PTPRT: variants seen among roughly 807,000 people sequenced by gnomAD.
PTPRT encodes protein tyrosine phosphatase receptor type T, also known as receptor-type tyrosine-protein phosphatase T.
A neutral mutation model predicts 176.8 loss-of-function variants in PTPRT; 56 were observed. The observed-to-expected ratio is 0.32, with a 90% CI of 0.26 to 0.40. The LOEUF (loss-of-function observed/expected upper bound fraction) is 0.40, where lower values mean the gene tolerates loss of function less well. PTPRT is among the 10% of genes least tolerant of loss of function. PTPRT has a pLI of 1.00. For missense variants in PTPRT, 1,540 were observed against 1,908.2 expected, an observed-to-expected ratio of 0.81 and a Z score of 3.60; for synonymous variants, 783 against 739.0, an observed-to-expected ratio of 1.06 and a Z score of -0.96.
chr20:42,154,882 G>A (rs1200393698), intron 17 of PTPRT, among the ~76,000 whole-genome samples: 5 of 152,180 alleles, frequency 3.3e-5, no homozygotes, highest in African/African-American at 4.8e-5. Flanking sequence ...GGCTGGGGAG[G>A]AGGGAGGATG....
At chr20:42,543,531 C>T (rs1462865390) in intron 7 of PTPRT, among the ~76,000 whole-genome samples, 6 of 152,008 alleles carry the variant, frequency 3.9e-5, no homozygotes, top group African/African-American at 9.7e-5. Context: ...TTGAACCCCT[C>T]GAAGTCATCT....
At chr20:43,067,279 TAG>T (rs1555826264) in intron 1 of PTPRT, among the ~76,000 whole-genome samples, 2 of 152,160 alleles carry the variant, frequency 1.3e-5, no homozygotes, top group Non-Finnish European at 2.9e-5. Context: ...GGTAAATCCA[TAG>T]AGACAGAACG....
At chr20:42,681,872 G>T (rs896685375) in intron 6 of PTPRT, among the ~76,000 whole-genome samples, 4 of 152,176 alleles carry the variant, frequency 2.6e-5, no homozygotes, top group Non-Finnish European at 5.9e-5. Context: ...ACAAGCTGCA[G>T]ACACAGACAC....
chr20:42,469,395 G>A (rs1230507758), intron 8 of PTPRT, among the ~76,000 whole-genome samples: 1 of 152,076 alleles, frequency 6.6e-6, no homozygotes. Flanking sequence ...AGTAGAGATG[G>A]GGTTTCACCA....
intron 2 of PTPRT, among the ~76,000 whole-genome samples, chr20:42,852,911 G>C (rs1178433965): frequency 6.6e-6 from 1 of 151,486 alleles, no homozygotes; most frequent in African/African-American, 2.4e-5. Flanking sequence ...TATGACAAAT[G>C]CAGGTTCCAC....
In PTPRT at chr20:42,248,733, T is replaced by C. The variant is rs370061295; in HGVS notation, c.2266A>G (p.Met756Val). The C allele has an allele frequency of 6.2e-7, 1 of 1,613,904 alleles. No homozygotes were observed. The highest frequency in any genetic ancestry group is 1.3e-5 in the African/African-American group (1 of 74,904). ...KMAGVIAGLL[M>V]FIIILLGVML... ...ACGCCCAGGAGAATGATGATGAACATGAGGAGGCCAGCGATCACGCCAGCC... is the reference window on the plus strand; with the variant it reads ...ACGCCCAGGAGAATGATGATGAACACGAGGAGGCCAGCGATCACGCCAGCC... The change falls in exon 14 of 31, where the codon ATG becomes GTG. Residue 756 changes from methionine to valine, a missense_variant. Met to Val is a conservative substitution (Grantham distance 21, BLOSUM62 1). This residue lies in a region of PTPRT where 255 missense variants were observed against 250.1 expected (regional missense o/e 1.02). Coordinates refer to ENST00000373187, the MANE Select transcript of PTPRT (RefSeq NM_007050.6).
intron 9 of PTPRT, among the ~76,000 whole-genome samples, chr20:42,433,596 C>T (rs73123338): frequency 0.12 from 17,603 of 152,144 alleles, 1,027 homozygotes; most frequent in Middle Eastern, 0.14. Context: ...CACACTTGCC[C>T]TATATTCATC....
At chr20:42,729,918 C>T (rs770036710) in intron 6 of PTPRT, among the ~76,000 whole-genome samples, 8 of 152,198 alleles carry the variant, frequency 5.3e-5, no homozygotes, top group Non-Finnish European at 7.3e-5. Context: ...GAATTGACCA[C>T]AGCTTCCAAT....
chr20:42,526,758 T>C (rs1043172365), intron 7 of PTPRT, among the ~76,000 whole-genome samples: 1 of 152,064 alleles, frequency 6.6e-6, no homozygotes, highest in African/African-American at 2.4e-5. Context: ...AATCAGCTAT[T>C]TGTAGAAGGT....
chr20:43,111,539 G>A (rs553569398), intron 1 of PTPRT, among the ~76,000 whole-genome samples: 6 of 110,400 alleles, frequency 5.4e-5, no homozygotes, highest in Non-Finnish European at 8.5e-5. Flanking sequence ...GCGAGACTCC[G>A]TCTCAGGAAA....
chr20:42,533,306 G>C (rs1247739056), intron 7 of PTPRT, among the ~76,000 whole-genome samples: 1 of 152,182 alleles, frequency 6.6e-6, no homozygotes, highest in Non-Finnish European at 1.5e-5. Context: ...TGCAGGACTG[G>C]GTAATCAAAT....
At chr20:42,758,847 A>C (rs1033065570) in intron 5 of PTPRT, among the ~76,000 whole-genome samples, 3 of 152,238 alleles carry the variant, frequency 2.0e-5, no homozygotes, top group Non-Finnish European at 4.4e-5. Context: ...GCTTGCCCGA[A>C]TAAAAACCAG....
intron 3 of PTPRT, among the ~76,000 whole-genome samples, chr20:42,785,992 G>A (rs752217031): frequency 3.9e-5 from 6 of 152,182 alleles, no homozygotes; most frequent in African/African-American, 7.2e-5. Context: ...TTGGATCATG[G>A]GGGTGGTTTT....
rs184850452 is a variant in PTPRT, at chr20:43,069,879, A to G, written c.88+119767T>C. Reference sequence around the variant, plus strand: ...CCTTCCTGTGATTTATACAATATCAATTGGAAAAGCATCCTATTTTGCCAG... The same window carrying G: ...CCTTCCTGTGATTTATACAATATCAGTTGGAAAAGCATCCTATTTTGCCAG... On this transcript the variant is annotated intron_variant, in intron 1 of 30. Transcript: ENST00000373187. 5.3e-5 allele frequency among the ~76,000 whole-genome samples: 8 copies of G among 152,308 alleles called. No homozygotes were observed. The East Asian group carries it at 1.4e-3, about 26-fold the overall frequency.
At chr20:42,766,310 C>T (rs953389308) in intron 5 of PTPRT, among the ~76,000 whole-genome samples, 8 of 152,186 alleles carry the variant, frequency 5.3e-5, no homozygotes, top group African/African-American at 1.7e-4. Flanking sequence ...CCACAGACCA[C>T]GGCATCATAC....
chr20:42,188,682 T>C (rs889796895), intron 16 of PTPRT, among the ~76,000 whole-genome samples: 9 of 152,172 alleles, frequency 5.9e-5, no homozygotes, highest in Non-Finnish European at 1.0e-4. Context: ...TATATTTACA[T>C]CGTCAACATC....
At position 42,953,784 on chromosome 20, in the gene PTPRT, A is replaced by G. The variant is rs117249265; in HGVS notation, c.89-67852T>C. ...AGCCTGGCTAAACCGGGGTTTCTCAATCTTGGTATTATTGGCATTTTGCAC... is the reference window on the plus strand; with the variant it reads ...AGCCTGGCTAAACCGGGGTTTCTCAGTCTTGGTATTATTGGCATTTTGCAC... On this transcript the variant is annotated intron_variant, in intron 1 of 30. Transcript: ENST00000373187. 8.2e-3 allele frequency among the ~76,000 whole-genome samples: 1,246 copies of G among 152,240 alleles called. 4 individuals are homozygous for G. Among genetic ancestry groups the G allele is most frequent in the South Asian group, 0.013 (61 of 4,824 alleles).
chr20:42,255,737 T>C (rs1016060618), intron 13 of PTPRT, among the ~76,000 whole-genome samples: 1 of 152,158 alleles, frequency 6.6e-6, no homozygotes, highest in Non-Finnish European at 1.5e-5. Context: ...CTTGTAAAGA[T>C]ATGGAGCAAA....
At chr20:42,281,707 C>T (rs2057141817) in intron 13 of PTPRT, among the ~76,000 whole-genome samples, 1 of 152,122 alleles carries the variant, frequency 6.6e-6, no homozygotes, top group Non-Finnish European at 1.5e-5. Flanking sequence ...ACTATGGATG[C>T]TGCCAGTAAA....
Sources: gnomAD v4.1 joint callset for allele counts (sites outside exome capture counted in the v4.1 genomes callset) on GRCh38, gnomAD v4.1.1 for gene constraint, gnomAD v4.1.1 regional missense constraint, MANE v1.5 for transcripts, NCBI Gene and HGNC (gene_info 2026-07-23, HGNC 2026-07-21) for gene names.